APIP: variants seen among roughly 807,000 people sequenced by gnomAD.
The protein encoded by APIP is methylthioribulose-1-phosphate dehydratase.
APIP carries 32 observed loss-of-function variants against 32.0 expected under a neutral mutation model. The observed-to-expected ratio is 1.00, with a 90% CI of 0.76 to 1.34. The LOEUF (loss-of-function observed/expected upper bound fraction) is 1.34. Ranked by LOEUF, APIP falls within the 40% of genes most tolerant of loss-of-function variation. The pLI, the probability that APIP is intolerant of heterozygous loss-of-function variation, is 0.00. For synonymous variants in APIP, 92 were observed against 94.8 expected, an observed-to-expected ratio of 0.97 and a Z score of 0.17; for missense variants, 247 against 298.6, an observed-to-expected ratio of 0.83 and a Z score of 1.27.
intron 5 of APIP, among the ~76,000 whole-genome samples, chr11:34,888,089 C>G (rs1369998235): frequency 8.6e-5 from 13 of 151,906 alleles, no homozygotes; most frequent in Admixed American, 7.2e-4. Flanking sequence ...AATAATTTAC[C>G]ATGGCTGGGG....
At position 34,916,176 on chromosome 11, in the gene APIP, C is replaced by T. The variant is rs375386462; in HGVS notation, c.57+52G>A. ...GCGCCCAGCTCCAGCCGCCGGGTCC[C>T]GCCTGGGCCTCTCCTCCTGGGAATA... On this transcript the variant is annotated intron_variant, in intron 1 of 6. Transcript: ENST00000395787. 347 of 1,580,888 alleles carry T rather than the reference C, an allele frequency of 2.2e-4. No homozygotes were observed. The African/African-American group carries it at 4.2e-3, about 19-fold the overall frequency.
intron 1 of APIP, among the ~76,000 whole-genome samples, chr11:34,914,349 G>C (rs780576510): frequency 3.9e-5 from 6 of 152,096 alleles, no homozygotes; most frequent in Non-Finnish European, 8.8e-5. Flanking sequence ...CTAAATATTC[G>C]TTGAATTAAT....
Position 34,916,259 on chromosome 11 carries a change from C to T in APIP, c.26G>A (p.Gly9Glu), listed in dbSNP as rs779852629. 1.9e-6 allele frequency: 3 copies of T among 1,612,632 alleles called. No individual in the cohort carries two copies. Among genetic ancestry groups the T allele is most frequent in the Non-Finnish European group, 2.5e-6 (3 of 1,179,582 alleles). The change falls in exon 1 of 7, where the codon GGA (glycine) becomes GAA (glutamate). Residue 9 changes from glycine (G) to glutamate (E), a missense_variant. Coordinates refer to ENST00000395787, the MANE Select transcript of APIP (RefSeq NM_015957.4). Reference protein sequence around the residue: MSGCDAREGDCCSRRCGAQ... With the variant: MSGCDAREEDCCSRRCGAQ... ...GCCGCATCTCCGGGAACAACAGTCT[C>T]CCTCCCGAGCATCACAGCCAGACAT... is the stretch of plus-strand genomic sequence containing the variant.
chr11:34,899,626 A>C (rs781553924), intron 1 of APIP, among the ~76,000 whole-genome samples: 2 of 152,124 alleles, frequency 1.3e-5, no homozygotes, highest in Non-Finnish European at 2.9e-5. Flanking sequence ...TGTTTTTTTT[A>C]GGGAGGTACA....
At chr11:34,899,991 A>G (rs1853349243) in intron 1 of APIP, among the ~76,000 whole-genome samples, 1 of 152,146 alleles carries the variant, frequency 6.6e-6, no homozygotes, top group African/African-American at 2.4e-5. Flanking sequence ...CAACCCTGAG[A>G]CTTTGAAGAA....
chr11:34,882,590 A>AT lies in APIP; in HGVS notation c.*126dup, dbSNP rs564467933. The AT allele has an allele frequency of 6.7e-4, 400 of 597,848 alleles. 6 individuals are homozygous for AT. The South Asian group carries it at 8.0e-3, about 12-fold the overall frequency. 37.0% of individuals were successfully genotyped at this position (597,848 alleles called of 1,614,324 possible). On this transcript the variant is annotated 3_prime_UTR_variant, in exon 7 of 7. Transcript: ENST00000395787. ...ATGTCAGAAGAGATTCAGGGTGACC[A>AT]TTTGCAGTATTTAGTGGCAAATTAG...
intron 5 of APIP, among the ~76,000 whole-genome samples, chr11:34,884,079 C>A (rs2133901738): frequency 6.6e-6 from 1 of 152,272 alleles, no homozygotes; most frequent in Admixed American, 6.5e-5. Context: ...ATTAGAACTT[C>A]TTTTACTTCC....
At chr11:34,897,292 TC>T (rs1211762375) in intron 1 of APIP, among the ~76,000 whole-genome samples, 1 of 152,216 alleles carries the variant, frequency 6.6e-6, no homozygotes, top group African/African-American at 2.4e-5. Flanking sequence ...AAAAGTCTAA[TC>T]CACATTACTG....
intron 2 of APIP, among the ~76,000 whole-genome samples, chr11:34,894,305 C>T (rs532470636): frequency 7.5e-4 from 114 of 152,014 alleles, no homozygotes; most frequent in Non-Finnish European, 1.3e-3. Context: ...AGCATACTGC[C>T]GTTCTTTTGA....
chr11:34,904,649 T>A (rs1194028389), intron 1 of APIP, among the ~76,000 whole-genome samples: 1 of 152,170 alleles, frequency 6.6e-6, no homozygotes, highest in Non-Finnish European at 1.5e-5. Context: ...CTGGACCACC[T>A]CTGTTTAACC....
rs1853244620 is a variant in APIP, at chr11:34,895,044, T to C, written c.124A>G (p.Thr42Ala). 1 of 1,614,038 alleles carries C rather than the reference T, an allele frequency of 6.2e-7. No homozygotes were observed. The highest frequency in any genetic ancestry group is 1.7e-5 in the Admixed American group (1 of 60,002). ...AAGCTAATTCCTCCTCCAGTCCCAGTGACCCAGCCTAAATGGTAAAACTGT... is the reference window on the plus strand; with the variant it reads ...AAGCTAATTCCTCCTCCAGTCCCAGCGACCCAGCCTAAATGGTAAAACTGT... ...CKQFYHLGWV[T>A]GTGGGISLKH... Residue 42 changes from threonine (T) to alanine (A), a missense_variant, in exon 2 of 7, where the codon ACT (threonine) becomes GCT (alanine). Thr to Ala is a moderately conservative substitution (Grantham distance 58, BLOSUM62 0). Transcript: ENST00000395787.
chr11:34,892,016 G>A (rs1853193742), intron 2 of APIP, among the ~76,000 whole-genome samples: 1 of 152,128 alleles, frequency 6.6e-6, no homozygotes, highest in South Asian at 2.1e-4. Context: ...CTGCTGGTAA[G>A]TAAAACCCAT....
chr11:34,906,595 T>C (rs1853461795), intron 1 of APIP, among the ~76,000 whole-genome samples: 1 of 152,212 alleles, frequency 6.6e-6, no homozygotes, highest in African/African-American at 2.4e-5. Context: ...CTACAGACTC[T>C]TTCACCACAG....
At chr11:34,916,055 G>T in intron 1 of APIP, 173 bp downstream of exon 1, 1 of 839,758 alleles carries the variant, frequency 1.2e-6, no homozygotes, top group Non-Finnish European at 1.8e-6. Flanking sequence ...GGGCCTCGCA[G>T]CCTTGCTTCC....
intron 3 of APIP, among the ~76,000 whole-genome samples, chr11:34,890,222 T>C (rs1332373940): frequency 1.3e-5 from 2 of 152,126 alleles, no homozygotes; most frequent in Non-Finnish European, 2.9e-5. Context: ...AAGATCGTAG[T>C]GTTATAAAGC....
chr11:34,897,257 A>C (rs1230548048), intron 1 of APIP, among the ~76,000 whole-genome samples: 3 of 152,266 alleles, frequency 2.0e-5, no homozygotes, highest in Non-Finnish European at 4.4e-5. Context: ...TTCTGATTCA[A>C]CTTAGACTTG....
intron 1 of APIP, chr11:34,896,959 C>T (rs1853283160): frequency 2.3e-6 from 1 of 435,694 alleles, no homozygotes; most frequent in South Asian, 2.0e-5. Context: ...TTCAAGGTAA[C>T]AGTGAACAAA....
intron 5 of APIP, among the ~76,000 whole-genome samples, chr11:34,884,390 C>G (rs1853022320): frequency 6.6e-6 from 1 of 152,146 alleles, no homozygotes. Flanking sequence ...TATAGAGTTG[C>G]CCATCACTTC....
intron 6 of APIP, among the ~76,000 whole-genome samples, chr11:34,883,040 G>A (rs969794256): frequency 6.6e-6 from 1 of 152,132 alleles, no homozygotes; most frequent in Admixed American, 6.5e-5. Context: ...GGAAATAAAA[G>A]AGAGTTTAAA....
Sources: gnomAD v4.1 joint callset for allele counts (sites outside exome capture counted in the v4.1 genomes callset) on GRCh38, gnomAD v4.1.1 for gene constraint, MANE v1.5 for transcripts, NCBI Gene and HGNC (gene_info 2026-07-23, HGNC 2026-07-21) for gene names.